Variants in CHD1L observed in about 807,000 individuals in gnomAD.
The protein encoded by CHD1L is ATP-dependent chromatin remodeler CHD1L.
In CHD1L, 118 loss-of-function variants were observed where a neutral mutation model predicts 115.9. That is an observed-to-expected ratio of 1.02 (90% CI 0.88 to 1.19). CHD1L has a LOEUF of 1.19. CHD1L is among the 50% of genes most tolerant of loss of function. The pLI is 0.00. For synonymous variants in CHD1L, 411 were observed against 387.1 expected, an observed-to-expected ratio of 1.06 and a Z score of -0.72; for missense variants, 1,179 against 1,065.3, an observed-to-expected ratio of 1.11 and a Z score of -1.49.
intron 12 of CHD1L, among the ~76,000 whole-genome samples, chr1:147,274,799 A>G (rs782407873): frequency 2.0e-5 from 3 of 152,168 alleles, no homozygotes; most frequent in Non-Finnish European, 4.4e-5. Flanking sequence ...CCAGTACAAA[A>G]AAGACTCACT....
At chr1:147,275,535 A>G in intron 13 of CHD1L, 67 bp downstream of exon 13, 1 of 1,255,018 alleles carries the variant, frequency 8.0e-7, no homozygotes. Context: ...AAAGGTGAAG[A>G]ATATAGTCCT....
At chr1:147,186,633 A>G in the CHD1L span, 2 of 1,239,254 alleles carry the variant, frequency 1.6e-6, no homozygotes, top group South Asian at 4.7e-5. Flanking sequence ...TGCTAAAGAC[A>G]TACAAAGATG....
At chr1:147,227,950 CG>C in the CHD1L span, among the ~76,000 whole-genome samples, 5 of 151,812 alleles carry the variant, frequency 3.3e-5, no homozygotes, top group African/African-American at 1.2e-4. Flanking sequence ...CTCACTCTGT[CG>C]CCCAGGCTGG....
the CHD1L span, among the ~76,000 whole-genome samples, chr1:147,214,401 A>C: frequency 1.3e-5 from 2 of 151,748 alleles, no homozygotes; most frequent in African/African-American, 2.4e-5. Flanking sequence ...CAGTGAGCCG[A>C]GATCGTGTCA....
At position 147,274,830 on chromosome 1, in the gene CHD1L, G is replaced by A. The variant is rs189868309; in HGVS notation, c.1271-524G>A. ...TCACTGGAGTTTTCTCTAATCAGAG[G>A]GAGGAGGTTTCCCACTCTGCTCAGG... On this transcript the variant is annotated intron_variant, in intron 12 of 22. Coordinates refer to ENST00000369258, the MANE Select transcript of CHD1L (RefSeq NM_004284.6). 1.7e-3 allele frequency among the ~76,000 whole-genome samples: 266 copies of A among 152,226 alleles called. 2 individuals are homozygous for A. Among genetic ancestry groups the A allele is most frequent in the African/African-American group, 6.2e-3 (258 of 41,530 alleles).
chr1:147,219,797 A>C, the CHD1L span, among the ~76,000 whole-genome samples: 1 of 151,364 alleles, frequency 6.6e-6, no homozygotes, highest in Non-Finnish European at 1.5e-5. Context: ...AAGTGAGTAC[A>C]GCAGGGTTGC....
chr1:147,279,269 AC>A (rs1679855152), intron 14 of CHD1L, among the ~76,000 whole-genome samples: 1 of 152,194 alleles, frequency 6.6e-6, no homozygotes, highest in African/African-American at 2.4e-5. Flanking sequence ...GTTTGAATCC[AC>A]CTTGGGTCAG....
chr1:147,245,131 G>C (rs1463921281), intron 1 of CHD1L, among the ~76,000 whole-genome samples: 1 of 152,118 alleles, frequency 6.6e-6, no homozygotes, highest in Admixed American at 6.5e-5. Flanking sequence ...TTCACTACTT[G>C]TCATCTCCCT....
At chr1:147,294,069 C>A (rs1416426171) in intron 21 of CHD1L, among the ~76,000 whole-genome samples, 1 of 152,146 alleles carries the variant, frequency 6.6e-6, no homozygotes. Flanking sequence ...CAATAACAGA[C>A]AGTTCTTCGA....
intron 20 of CHD1L, among the ~76,000 whole-genome samples, chr1:147,292,780 A>G (rs1374165493): frequency 2.0e-5 from 3 of 152,316 alleles, no homozygotes; most frequent in African/African-American, 7.2e-5. Flanking sequence ...GTGAACTACC[A>G]GAGCAAGAAC....
intron 9 of CHD1L, among the ~76,000 whole-genome samples, chr1:147,267,888 T>G (rs782297646): frequency 1.4e-4 from 21 of 152,174 alleles, no homozygotes; most frequent in Non-Finnish European, 2.9e-4. Flanking sequence ...TAAGCTGGGT[T>G]CTTAAAAATC....
At chr1:147,248,795 A>G (rs1667449072) in intron 1 of CHD1L, among the ~76,000 whole-genome samples, 1 of 152,142 alleles carries the variant, frequency 6.6e-6, no homozygotes, top group Non-Finnish European at 1.5e-5. Context: ...TTGTCATTTT[A>G]CTTATTTGAG....
the CHD1L span, among the ~76,000 whole-genome samples, chr1:147,231,957 C>G: frequency 1.3e-5 from 2 of 152,316 alleles, no homozygotes; most frequent in East Asian, 3.9e-4. Flanking sequence ...CTTTCTGACA[C>G]TCCCCAGTGA....
At chr1:147,211,401 T>C in the CHD1L span, 19 of 152,240 alleles carry the variant, frequency 1.2e-4, no homozygotes, top group African/African-American at 4.6e-4. Context: ...TATTTCCTGA[T>C]AAATGTCTGT....
At chr1:147,178,398 T>C in the CHD1L span, 9 of 1,610,796 alleles carry the variant, frequency 5.6e-6, no homozygotes, top group Admixed American at 1.7e-5. Flanking sequence ...GTAATAAATA[T>C]GGAGTCAGTG....
chr1:147,292,544 G>C (rs1256844657), intron 20 of CHD1L, among the ~76,000 whole-genome samples: 1 of 152,184 alleles, frequency 6.6e-6, no homozygotes, highest in Admixed American at 6.5e-5. Context: ...TGTGATAAAA[G>C]AATTCCCTGA....
At chr1:147,267,302 TTAG>T (rs1674307838) in intron 8 of CHD1L, 121 bp from the exon 9 acceptor site, 1 of 595,444 alleles carries the variant, frequency 1.7e-6, no homozygotes, top group African/African-American at 1.9e-5. Context: ...ATTTGGGAGG[TTAG>T]TATAGGTTCA....
upstream of CHD1L, among the ~76,000 whole-genome samples, chr1:147,239,044 C>T (rs1489649591): frequency 4.6e-5 from 7 of 152,170 alleles, no homozygotes; most frequent in African/African-American, 7.2e-5. Flanking sequence ...CCCAGGAATT[C>T]GTCCAATTGA....
chr1:147,216,657 G>A, the CHD1L span, among the ~76,000 whole-genome samples: 427 of 152,216 alleles, frequency 2.8e-3, 5 homozygotes, highest in Admixed American at 0.023. Context: ...AATGAGACAA[G>A]CTAAATGCCC....
Sources: allele counts gnomAD v4.1 joint callset (sites outside exome capture counted in the v4.1 genomes callset), GRCh38; gene constraint gnomAD v4.1.1; transcripts MANE v1.5; gene names NCBI Gene and HGNC (gene_info 2026-07-23, HGNC 2026-07-21).